Variants in MARK1 observed in about 807,000 individuals in gnomAD.
MARK1 encodes the protein serine/threonine-protein kinase MARK1.
MARK1 carries 40 observed loss-of-function variants against 96.3 expected under a neutral mutation model. That is an observed-to-expected ratio of 0.42 (90% CI 0.32 to 0.54). MARK1 has a LOEUF of 0.54. Ranked by LOEUF, MARK1 falls within the 20% of genes least tolerant of loss-of-function variation. MARK1 has a pLI of 0.16. For synonymous variants in MARK1, 317 were observed against 341.2 expected, an observed-to-expected ratio of 0.93 and a Z score of 0.78; for missense variants, 719 against 984.6, an observed-to-expected ratio of 0.73 and a Z score of 3.61.
intron 6 of MARK1, among the ~76,000 whole-genome samples, chr1:220,610,058 G>T (rs117217458): frequency 2.0e-5 from 3 of 152,178 alleles, no homozygotes; most frequent in South Asian, 2.1e-4. Context: ...GAGTATCTTT[G>T]GATGTTCTCT....
intron 11 of MARK1, among the ~76,000 whole-genome samples, chr1:220,632,900 G>A (rs1667746807): frequency 6.6e-6 from 1 of 152,154 alleles, no homozygotes; most frequent in Non-Finnish European, 1.5e-5. Context: ...ACCTGAGACT[G>A]GGTAATTTAT....
chr1:220,633,585 T>C (rs1264483366), intron 11 of MARK1, among the ~76,000 whole-genome samples: 1 of 152,138 alleles, frequency 6.6e-6, no homozygotes, highest in Non-Finnish European at 1.5e-5. Flanking sequence ...TGGTACAGTA[T>C]GTGTTCTGAT....
At chr1:220,610,634 CT>C (rs1666388595) in intron 6 of MARK1, among the ~76,000 whole-genome samples, 2 of 152,270 alleles carry the variant, frequency 1.3e-5, no homozygotes, top group South Asian at 4.1e-4. Context: ...AAGAGGTGTT[CT>C]GATTTTTAGA....
At chr1:220,561,678 G>C (rs998596434) in intron 1 of MARK1, among the ~76,000 whole-genome samples, 1 of 152,162 alleles carries the variant, frequency 6.6e-6, no homozygotes, top group African/African-American at 2.4e-5. Flanking sequence ...TATTGTCTGA[G>C]TTATTATTAA....
intron 12 of MARK1, 145 bp from the exon 13 acceptor site, chr1:220,635,688 C>T: frequency 8.8e-7 from 1 of 1,137,654 alleles, no homozygotes; most frequent in Non-Finnish European, 1.2e-6. Context: ...CAGGGACTGA[C>T]CTGATTTTTG....
intron 3 of MARK1, among the ~76,000 whole-genome samples, chr1:220,583,037 C>A (rs72735012): frequency 2.0e-3 from 309 of 152,252 alleles, no homozygotes; most frequent in Non-Finnish European, 3.4e-3. Context: ...CAGCATTTGA[C>A]CTTTCCCATT....
chr1:220,580,033 G>A (rs544980281), intron 2 of MARK1, among the ~76,000 whole-genome samples: 1 of 152,158 alleles, frequency 6.6e-6, no homozygotes, highest in Non-Finnish European at 1.5e-5. Context: ...TGTGTTTTAA[G>A]TTATATGTAT....
intron 1 of MARK1, among the ~76,000 whole-genome samples, chr1:220,562,498 C>T (rs1662743162): frequency 6.6e-6 from 1 of 151,936 alleles, no homozygotes; most frequent in African/African-American, 2.4e-5. Flanking sequence ...AAAACAGTAG[C>T]TAAGATAAAA....
intron 1 of MARK1, among the ~76,000 whole-genome samples, chr1:220,544,517 G>A (rs1465319950): frequency 2.6e-5 from 4 of 152,136 alleles, no homozygotes; most frequent in African/African-American, 4.8e-5. Flanking sequence ...AGGCCGTCAC[G>A]AGATGCCAGC....
chr1:220,583,805 G>C (rs146951242), intron 3 of MARK1, among the ~76,000 whole-genome samples: 70 of 147,216 alleles, frequency 4.8e-4, no homozygotes, highest in African/African-American at 1.7e-3. Context: ...CATGCACCAT[G>C]CCTGGCTAAT....
chr1:220,644,823 G>T (rs1227331495), intron 13 of MARK1, among the ~76,000 whole-genome samples: 1 of 152,160 alleles, frequency 6.6e-6, no homozygotes. Context: ...GCTCCTGAAT[G>T]ACTTCTGGGT....
intron 1 of MARK1, among the ~76,000 whole-genome samples, chr1:220,544,779 AAAGTATAT>A (rs1210583363): frequency 6.6e-6 from 1 of 152,238 alleles, no homozygotes; most frequent in Non-Finnish European, 1.5e-5. Flanking sequence ...AACTACCTGT[AAAGTATAT>A]GGTGACAGGT....
At chr1:220,636,119 G>T (rs1257023122) in intron 13 of MARK1, 93 bp downstream of exon 13, 7 of 889,930 alleles carry the variant, frequency 7.9e-6, no homozygotes, top group Non-Finnish European at 1.1e-5. Flanking sequence ...TTAAATGATT[G>T]AAAAATTTAA....
At chr1:220,613,800 T>G (rs1449080181) in intron 6 of MARK1, among the ~76,000 whole-genome samples, 1 of 152,178 alleles carries the variant, frequency 6.6e-6, no homozygotes, top group East Asian at 1.9e-4. Context: ...TCAAATTGAT[T>G]ATAATCATTC....
chr1:220,564,040 T>C (rs1300458052), intron 1 of MARK1, among the ~76,000 whole-genome samples: 1 of 152,180 alleles, frequency 6.6e-6, no homozygotes, highest in African/African-American at 2.4e-5. Flanking sequence ...AGTTGCCAGG[T>C]TAAAATGGAT....
chr1:220,619,447 C>T (rs1666937534), intron 9 of MARK1, among the ~76,000 whole-genome samples: 1 of 152,072 alleles, frequency 6.6e-6, no homozygotes, highest in Admixed American at 6.5e-5. Flanking sequence ...GCACTCCAGC[C>T]TGGGCGACAG....
At chr1:220,553,794 A>G (rs1442959049) in intron 1 of MARK1, among the ~76,000 whole-genome samples, 1 of 152,134 alleles carries the variant, frequency 6.6e-6, no homozygotes, top group Non-Finnish European at 1.5e-5. Flanking sequence ...AATCCTGAAG[A>G]TCTACACTGT....
Position 220,662,035 on chromosome 1 carries a change from G to A in MARK1, c.2257G>A (p.Val753Met), listed in dbSNP as rs139856187. 5.6e-6 allele frequency: 9 copies of A among 1,614,158 alleles called. No homozygotes were observed. Among genetic ancestry groups the A allele is most frequent in the Non-Finnish European group, 6.8e-6 (8 of 1,180,022 alleles). The change falls in exon 18 of 18, where the codon GTG (valine) becomes ATG (methionine). Residue 753 changes from valine to methionine, a missense_variant. Around this residue, in one of 4 missense-constraint regions of MARK1, gnomAD observed 501 missense variants for 588.3 expected, o/e 0.85. Transcript: ENST00000366917. ...TGGAGACGCTAGACAGGATAGCCTC[G>A]TGCAGTGGGAGATGGAAGTCTGCAA... ...VHGDARQDSLVQWEMEVCKLP... is the reference protein window; with the variant it reads ...VHGDARQDSLMQWEMEVCKLP...
At chr1:220,562,844 A>G (rs541390741) in intron 1 of MARK1, among the ~76,000 whole-genome samples, 48 of 152,348 alleles carry the variant, frequency 3.2e-4, no homozygotes, top group African/African-American at 1.1e-3. Flanking sequence ...GATTCAATGT[A>G]GTATTTGGCA....
Sources: gnomAD v4.1 joint callset for allele counts (sites outside exome capture counted in the v4.1 genomes callset) on GRCh38, gnomAD v4.1.1 for gene constraint, gnomAD v4.1.1 regional missense constraint, MANE v1.5 for transcripts, NCBI Gene and HGNC (gene_info 2026-07-23, HGNC 2026-07-21) for gene names.